The following FBXL7 variants were observed in gnomAD, a reference collection of about 807,000 sequenced individuals.
FBXL7 encodes F-box/LRR-repeat protein 7.
A neutral mutation model predicts 38.3 loss-of-function variants in FBXL7; 12 were observed. The observed-to-expected ratio is 0.31, with a 90% CI of 0.20 to 0.51. The LOEUF (loss-of-function observed/expected upper bound fraction) is 0.51, where lower values mean the gene tolerates loss of function less well. FBXL7 is among the 20% of genes least tolerant of loss of function. The pLI, the probability that FBXL7 is intolerant of heterozygous loss-of-function variation, is 0.98. For synonymous variants in FBXL7, 297 were observed against 300.9 expected (o/e 0.99, Z 0.13); for missense variants, 567 against 676.4 (o/e 0.84, Z 1.79).
chr5:15,555,984 T>TCTAG (rs1561026017), intron 1 of FBXL7, among the ~76,000 whole-genome samples: 1 of 107,110 alleles, frequency 9.3e-6, no homozygotes, highest in East Asian at 2.4e-4. Flanking sequence ...CATCTATCTA[T>TCTAG]CTATCTATCT....
intron 2 of FBXL7, among the ~76,000 whole-genome samples, chr5:15,769,375 A>G (rs1056034962): frequency 1.3e-5 from 2 of 152,228 alleles, no homozygotes; most frequent in African/African-American, 4.8e-5. Flanking sequence ...AATCCTCCAT[A>G]GGAGAAATCT....
In FBXL7 at chr5:15,735,816, G is replaced by A. The variant is rs557596436; in HGVS notation, c.127+119744G>A. ...GGAAGCTGAACTGCTTACAAGGTTGGGATAGTGTTGAGAGAAGAGAGCACT... is the reference window on the plus strand; with the variant it reads ...GGAAGCTGAACTGCTTACAAGGTTGAGATAGTGTTGAGAGAAGAGAGCACT... On this transcript the variant is annotated intron_variant, in intron 2 of 3. Transcript: ENST00000504595. Among the ~76,000 whole-genome samples, 12 of 152,350 alleles carry A rather than the reference G, an allele frequency of 7.9e-5. No homozygotes were observed. The South Asian group carries it at 2.5e-3, about 32-fold the overall frequency.
rs1430808803 is a variant in FBXL7 at position 15,938,742 on chromosome 5, A to G, written c.*1556A>G. 5 of 362,322 alleles carry G rather than the reference A, an allele frequency of 1.4e-5. No individual in the cohort carries two copies. The highest frequency in any genetic ancestry group is 2.4e-5 in the Non-Finnish European group (5 of 204,098). The allele number at this position is 362,322 out of a possible 1,614,324, so 22.4% of individuals were successfully genotyped here. ...ATTACAAGGTATGGATTTTAAATGG[A>G]TGAAACTTCAAATTATCTTATTTGG... On this transcript the variant is annotated 3_prime_UTR_variant, in exon 4 of 4. Transcript: ENST00000504595.
chr5:15,563,207 C>T (rs1403200698), intron 1 of FBXL7, among the ~76,000 whole-genome samples: 6 of 152,020 alleles, frequency 3.9e-5, no homozygotes, highest in African/African-American at 7.2e-5. Context: ...TGATTTATTC[C>T]TCTTTGCATC....
intron 1 of FBXL7, among the ~76,000 whole-genome samples, chr5:15,583,406 G>A (rs1237432615): frequency 3.9e-5 from 6 of 152,136 alleles, no homozygotes; most frequent in African/African-American, 1.2e-4. Context: ...ACAATCCAAA[G>A]TCTCATCTGA....
chr5:15,725,965 T>C (rs1270115976), intron 2 of FBXL7, among the ~76,000 whole-genome samples: 1 of 152,192 alleles, frequency 6.6e-6, no homozygotes, highest in African/African-American at 2.4e-5. Flanking sequence ...GAGTAGGGTA[T>C]TCAAGTCTGC....
chr5:15,710,212 C>T lies in FBXL7; in HGVS notation c.127+94140C>T, dbSNP rs531551454. ...GAGTAGAGGCAATGTCCTTGCAATA[C>T]GGATAAGATTCTACATATGGCTGAG... On this transcript the variant is annotated intron_variant, in intron 2 of 3. Transcript: ENST00000504595. Among the ~76,000 whole-genome samples the T allele has an allele frequency of 3.3e-5, 5 of 152,284 alleles. No individual in the cohort carries two copies. In the South Asian group the frequency reaches 6.2e-4, roughly 19 times the overall value.
chr5:15,688,834 A>G (rs1403428327), intron 2 of FBXL7, among the ~76,000 whole-genome samples: 1 of 152,188 alleles, frequency 6.6e-6, no homozygotes, highest in Non-Finnish European at 1.5e-5. Flanking sequence ...CAGTATGTTT[A>G]TGTAGGCAGT....
chr5:15,622,851 T>C lies in FBXL7; in HGVS notation c.127+6779T>C, dbSNP rs377433236. On this transcript the variant is annotated intron_variant, in intron 2 of 3. Coordinates refer to ENST00000504595, the MANE Select transcript of FBXL7 (RefSeq NM_012304.5). ...TCCCAAGTAGTTGGGATTACAGGCATGAGCCACCATGCCCGGCTAATTTTT... is the reference window on the plus strand; with the variant it reads ...TCCCAAGTAGTTGGGATTACAGGCACGAGCCACCATGCCCGGCTAATTTTT... Among the ~76,000 whole-genome samples, 499 of 152,238 alleles carry C rather than the reference T, an allele frequency of 3.3e-3. 3 individuals carry two copies. The highest frequency in any genetic ancestry group is 0.012 in the African/African-American group (481 of 41,566).
At chr5:15,616,329 C>T (rs1740451689) in intron 2 of FBXL7, among the ~76,000 whole-genome samples, 1 of 152,120 alleles carries the variant, frequency 6.6e-6, no homozygotes, top group South Asian at 2.1e-4. Context: ...ATGGAATAGG[C>T]TGAATTAAGG....
intron 2 of FBXL7, among the ~76,000 whole-genome samples, chr5:15,655,871 G>A (rs1021090364): frequency 6.6e-6 from 1 of 152,154 alleles, no homozygotes; most frequent in African/African-American, 2.4e-5. Context: ...GGTTATTGCT[G>A]CAAACACAGT....
intron 2 of FBXL7, among the ~76,000 whole-genome samples, chr5:15,734,030 C>T (rs1235664824): frequency 1.3e-5 from 2 of 151,630 alleles, no homozygotes; most frequent in Non-Finnish European, 2.9e-5. Flanking sequence ...TCTCTTGAAC[C>T]CGGGACCCGG....
rs71603796 is a variant in FBXL7, at chr5:15,707,174, G to GTTTTTTTT, written c.127+91118_127+91125dup. 5.4e-4 allele frequency among the ~76,000 whole-genome samples: 38 copies of GTTTTTTTT among 70,404 alleles called. 2 individuals carry two copies. The highest frequency in any genetic ancestry group is 9.7e-4 in the East Asian group (2 of 2,058). 46.2% of individuals were successfully genotyped at this position (70,404 alleles called of 152,430 possible). On this transcript the variant is annotated intron_variant, in intron 2 of 3. Transcript: ENST00000504595. ...AGGTAGTGTTTCTTTTTTTCTTTTC[G>GTTTTTTTT]TTTTTTTTTTTTTTTTTTTTTTTGC...
intron 2 of FBXL7, among the ~76,000 whole-genome samples, chr5:15,831,287 A>T (rs1579501941): frequency 6.6e-6 from 1 of 152,168 alleles, no homozygotes; most frequent in African/African-American, 2.4e-5. Flanking sequence ...ATCTTACGAC[A>T]TGCCAGTTTC....
intron 2 of FBXL7, among the ~76,000 whole-genome samples, chr5:15,890,666 C>A (rs960685929): frequency 3.3e-5 from 5 of 152,102 alleles, no homozygotes; most frequent in African/African-American, 1.2e-4. Context: ...ATCCTGAAAC[C>A]ATCCTCTGCC....
chr5:15,620,626 T>C (rs1181155881), intron 2 of FBXL7, among the ~76,000 whole-genome samples: 1 of 151,998 alleles, frequency 6.6e-6, no homozygotes, highest in Non-Finnish European at 1.5e-5. Flanking sequence ...GAGGGGAGGA[T>C]TGGCTGGTGT....
intron 1 of FBXL7, among the ~76,000 whole-genome samples, chr5:15,568,670 T>A (rs1228540246): frequency 3.9e-5 from 6 of 152,172 alleles, no homozygotes; most frequent in Middle Eastern, 3.4e-3. Flanking sequence ...TGCCCATGCC[T>A]ATGTCCTGAA....
intron 2 of FBXL7, among the ~76,000 whole-genome samples, chr5:15,641,249 A>C (rs1247264383): frequency 6.6e-6 from 1 of 152,166 alleles, no homozygotes; most frequent in Non-Finnish European, 1.5e-5. Context: ...TGAGACTGAG[A>C]CTTGAAAGGG....
At position 15,562,730 on chromosome 5, in the gene FBXL7, C is replaced by T. The variant is rs142981756; in HGVS notation, c.38-53253C>T. On this transcript the variant is annotated intron_variant, in intron 1 of 3. Coordinates refer to ENST00000504595, the MANE Select transcript of FBXL7 (RefSeq NM_012304.5). ...TCTCCATTCATCCCTTTCCCCTCCTCCTTCCCTCTTTCTTTCACACATATT... is the reference window on the plus strand; with the variant it reads ...TCTCCATTCATCCCTTTCCCCTCCTTCTTCCCTCTTTCTTTCACACATATT... Among the ~76,000 whole-genome samples the T allele has an allele frequency of 2.2e-3, 337 of 152,194 alleles. 4 individuals carry two copies. Among genetic ancestry groups the T allele is most frequent in the Admixed American group, 0.02 (300 of 15,266 alleles).
Sources: gnomAD v4.1 joint callset for allele counts (sites outside exome capture counted in the v4.1 genomes callset) on GRCh38, gnomAD v4.1.1 for gene constraint, MANE v1.5 for transcripts, NCBI Gene and HGNC (gene_info 2026-07-23, HGNC 2026-07-21) for gene names.